The following PPP3CA variants were observed in gnomAD, a reference collection of about 807,000 sequenced individuals.
The protein encoded by PPP3CA is protein phosphatase 3 catalytic subunit alpha.
A neutral mutation model predicts 66.5 loss-of-function variants in PPP3CA; 14 were observed. The observed-to-expected ratio is 0.21, with a 90% CI of 0.14 to 0.33. PPP3CA has a LOEUF of 0.33. Among genes scored for constraint, PPP3CA ranks in the 10% least tolerant of loss-of-function variants. The probability of loss-of-function intolerance (pLI) is 1.00; values close to 1 mark genes in which losing one functional copy is unlikely to be tolerated. For missense variants in PPP3CA, 317 were observed against 639.5 expected (o/e 0.50, Z 5.44); for synonymous variants, 232 against 226.2 (o/e 1.03, Z -0.23).
chr4:101,288,190 T>C (rs950757485), intron 1 of PPP3CA, among the ~76,000 whole-genome samples: 15 of 152,106 alleles, frequency 9.9e-5, no homozygotes, highest in African/African-American at 3.6e-4. Flanking sequence ...AGTATTAACC[T>C]CCCCTACCAA....
At chr4:101,116,949 C>A (rs1203078946) in intron 2 of PPP3CA, among the ~76,000 whole-genome samples, 4 of 151,416 alleles carry the variant, frequency 2.6e-5, no homozygotes, top group African/African-American at 9.7e-5. Flanking sequence ...GAAATTTCTA[C>A]CAGCACTTTT....
At position 101,080,574 on chromosome 4, in the gene PPP3CA, T is replaced by C. The variant is rs752862238; in HGVS notation, c.913A>G (p.Ile305Val). 2.6e-6 allele frequency: 4 copies of C among 1,535,544 alleles called. No homozygotes were observed. The highest frequency in any genetic ancestry group is 1.3e-5 in the South Asian group (1 of 75,144). The change falls in exon 8 of 14, where the codon ATT becomes GTT. Residue 305 changes from isoleucine to valine, a missense_variant. Around this residue, in one of 3 missense-constraint regions of PPP3CA, gnomAD observed 201 missense variants for 501.4 expected, o/e 0.40. Coordinates refer to ENST00000394854, the MANE Select transcript of PPP3CA (RefSeq NM_000944.5). ...QTTGFPSLIT[I>V]FSAPNYLDVY... ...TCTAAGTAATTTGGTGCTGAAAAAA[T>C]TGTAATTAGAGAAGGGAAGCCTGTT... is the stretch of plus-strand genomic sequence containing the variant.
At chr4:101,327,884 C>T (rs1262189645) in intron 1 of PPP3CA, among the ~76,000 whole-genome samples, 2 of 151,908 alleles carry the variant, frequency 1.3e-5, no homozygotes, top group African/African-American at 2.4e-5. Flanking sequence ...GTTGTATGAA[C>T]GTTACTCAAA....
chr4:101,148,765 GCTTT>G (rs1312474395), intron 2 of PPP3CA, among the ~76,000 whole-genome samples: 2 of 152,080 alleles, frequency 1.3e-5, no homozygotes, highest in African/African-American at 4.8e-5. Context: ...GGAGTGTAAG[GCTTT>G]AGTGAAAGAT....
chr4:101,334,336 T>C (rs1729558500), intron 1 of PPP3CA, among the ~76,000 whole-genome samples: 1 of 152,136 alleles, frequency 6.6e-6, no homozygotes, highest in African/African-American at 2.4e-5. Flanking sequence ...TTTTTTGCCA[T>C]GTTGGCCAGG....
intron 2 of PPP3CA, among the ~76,000 whole-genome samples, chr4:101,188,519 T>C (rs904771341): frequency 6.6e-6 from 1 of 152,196 alleles, no homozygotes; most frequent in African/African-American, 2.4e-5. Flanking sequence ...GCTATAAATA[T>C]TATTTTCATA....
chr4:101,278,549 T>G (rs1727582176), intron 1 of PPP3CA, among the ~76,000 whole-genome samples: 1 of 152,184 alleles, frequency 6.6e-6, no homozygotes, highest in Non-Finnish European at 1.5e-5. Context: ...TAAAGCAGAC[T>G]GCGGATACCA....
chr4:101,271,232 C>G (rs970047351), intron 1 of PPP3CA, among the ~76,000 whole-genome samples: 6 of 152,114 alleles, frequency 3.9e-5, no homozygotes, highest in African/African-American at 1.4e-4. Context: ...ACAATAAACT[C>G]ATGACACATA....
intron 5 of PPP3CA, among the ~76,000 whole-genome samples, chr4:101,098,138 CAT>C (rs1456551002): frequency 6.6e-6 from 1 of 152,028 alleles, no homozygotes; most frequent in African/African-American, 2.4e-5. Context: ...TCCAAAGACA[CAT>C]GTCAGATGGT....
chr4:101,326,520 C>T lies in PPP3CA; in HGVS notation c.58+20219G>A, dbSNP rs62322612. Among the ~76,000 whole-genome samples the T allele has an allele frequency of 9.7e-3, 1,482 of 152,276 alleles. 11 individuals are homozygous for T. The highest frequency in any genetic ancestry group is 0.016 in the Non-Finnish European group (1,055 of 67,998). ...AGAATGGTAATGTGTTTCTAAAATGCAAACAGGTGAATCTTAAAGACTGAA... is the reference window on the plus strand; with the variant it reads ...AGAATGGTAATGTGTTTCTAAAATGTAAACAGGTGAATCTTAAAGACTGAA... On this transcript the variant is annotated intron_variant, in intron 1 of 13. Coordinates refer to ENST00000394854, the MANE Select transcript of PPP3CA (RefSeq NM_000944.5).
chr4:101,028,061 T>C (rs1726752212), intron 13 of PPP3CA, among the ~76,000 whole-genome samples: 1 of 152,180 alleles, frequency 6.6e-6, no homozygotes, highest in African/African-American at 2.4e-5. Context: ...TAGGAAGCAG[T>C]TGTATTTTCT....
chr4:101,290,590 G>A (rs1048998079), intron 1 of PPP3CA, among the ~76,000 whole-genome samples: 13 of 152,102 alleles, frequency 8.5e-5, no homozygotes, highest in African/African-American at 2.4e-4. Flanking sequence ...ATGGAGCAGC[G>A]ATCAAAACAG....
At chr4:101,032,517 T>C (rs989111735) in intron 11 of PPP3CA, among the ~76,000 whole-genome samples, 153 bp from the exon 12 acceptor site, 1 of 149,634 alleles carries the variant, frequency 6.7e-6, no homozygotes, top group Non-Finnish European at 1.5e-5. Flanking sequence ...TAACATACTT[T>C]ATTTTAATTT....
intron 1 of PPP3CA, among the ~76,000 whole-genome samples, chr4:101,265,149 C>G (rs910443662): frequency 2.0e-5 from 3 of 152,172 alleles, no homozygotes; most frequent in African/African-American, 7.2e-5. Context: ...TCCAGAGTCT[C>G]CCTCTGTCAC....
At chr4:101,189,965 A>T (rs1724545747) in intron 2 of PPP3CA, among the ~76,000 whole-genome samples, 1 of 152,054 alleles carries the variant, frequency 6.6e-6, no homozygotes, top group African/African-American at 2.4e-5. Context: ...AATAAAATCA[A>T]TGAAGTCTGA....
At chr4:101,097,054 G>A (rs1489597652) in intron 5 of PPP3CA, among the ~76,000 whole-genome samples, 3 of 152,054 alleles carry the variant, frequency 2.0e-5, no homozygotes, top group Non-Finnish European at 4.4e-5. Flanking sequence ...CTGTGCCCAT[G>A]GTTATTCTTA....
intron 2 of PPP3CA, chr4:101,170,968 T>TA (rs1229415209): frequency 7.1e-6 from 2 of 281,022 alleles, no homozygotes; most frequent in Non-Finnish European, 1.4e-5. Flanking sequence ...TGGTATTTTT[T>TA]AAAGTACTAA....
intron 2 of PPP3CA, among the ~76,000 whole-genome samples, chr4:101,191,617 T>G (rs1724604913): frequency 6.6e-6 from 1 of 152,160 alleles, no homozygotes. Context: ...AAGGCCACAT[T>G]GCTTCATAGT....
chr4:101,278,444 G>A (rs868303024), intron 1 of PPP3CA, among the ~76,000 whole-genome samples: 5 of 152,050 alleles, frequency 3.3e-5, no homozygotes, highest in Non-Finnish European at 7.4e-5. Context: ...CTTCCCAGCT[G>A]CAGTGGCTTA....
Sources: gnomAD v4.1 joint callset for allele counts (sites outside exome capture counted in the v4.1 genomes callset) on GRCh38, gnomAD v4.1.1 for gene constraint, gnomAD v4.1.1 regional missense constraint, MANE v1.5 for transcripts, NCBI Gene and HGNC (gene_info 2026-07-23, HGNC 2026-07-21) for gene names.